Variants in SLC1A2 observed in about 807,000 individuals in gnomAD.
The protein encoded by SLC1A2 is solute carrier family 1 member 2.
SLC1A2 carries 15 observed loss-of-function variants against 48.8 expected under a neutral mutation model. The ratio of observed to expected loss-of-function variants is 0.31; its 90% CI spans 0.21 to 0.47. The LOEUF is 0.47. Among genes scored for constraint, SLC1A2 ranks in the 20% least tolerant of loss-of-function variants. The pLI, the probability that SLC1A2 is intolerant of heterozygous loss-of-function variation, is 0.99. For missense variants in SLC1A2, 502 were observed against 730.5 expected, an observed-to-expected ratio of 0.69 and a Z score of 3.61; for synonymous variants, 279 against 272.6, an observed-to-expected ratio of 1.02 and a Z score of -0.23.
At chr11:35,415,737 A>G (rs1353905374) in intron 1 of SLC1A2, among the ~76,000 whole-genome samples, 1 of 137,304 alleles carries the variant, frequency 7.3e-6, no homozygotes, top group African/African-American at 2.9e-5. Context: ...CTGAAGCCCA[A>G]GCCCTCATGG....
At chr11:35,364,276 C>T (rs1048311409) in intron 1 of SLC1A2, among the ~76,000 whole-genome samples, 3 of 152,176 alleles carry the variant, frequency 2.0e-5, no homozygotes, top group Non-Finnish European at 1.5e-5. Flanking sequence ...CCTCACAAGG[C>T]ATTTCTGGAA....
At position 35,312,454 on chromosome 11, in the gene SLC1A2, T is replaced by C; in HGVS notation, c.311-6A>G. The C allele has an allele frequency of 6.2e-7, 1 of 1,613,632 alleles. No homozygotes were observed. Among genetic ancestry groups the C allele is most frequent in the Non-Finnish European group, 8.5e-7 (1 of 1,179,542 alleles). ...AGCATCCAGGCCTGACAACCCTGGA[T>C]TGAAAAGAAATGCAGAAGGATTAAT... On this transcript the variant is annotated splice_polypyrimidine_tract_variant and splice_region_variant and intron_variant, in intron 3 of 10. Transcript: ENST00000278379.
intron 1 of SLC1A2, chr11:35,352,325 T>C (rs1853291324): frequency 6.6e-6 from 1 of 152,234 alleles, no homozygotes; most frequent in African/African-American, 2.4e-5. Context: ...ATGTCAGTGT[T>C]GGGAGTGAAT....
intron 9 of SLC1A2, among the ~76,000 whole-genome samples, chr11:35,267,634 C>G (rs895341360): frequency 6.6e-6 from 1 of 152,154 alleles, no homozygotes; most frequent in Non-Finnish European, 1.5e-5. Context: ...AACTAGCTGA[C>G]CTATTTGTCC....
rs746178091 is a variant in SLC1A2 at position 35,265,503 on chromosome 11, G to A, written c.1653+24C>T. On this transcript the variant is annotated intron_variant, in intron 10 of 10. Transcript: ENST00000278379. ...GCATGCACTACTATATACAAGTCTC[G>A]ATATCCATGAATGGGAAATGTACCT... 15 of 1,222,750 alleles carry A rather than the reference G, an allele frequency of 1.2e-5. No individual in the cohort carries two copies. The highest frequency in any genetic ancestry group is 9.3e-5 in the East Asian group (4 of 43,064). The allele number at this position is 1,222,750 out of a possible 1,614,324, so 75.7% of individuals were successfully genotyped here.
intron 1 of SLC1A2, among the ~76,000 whole-genome samples, chr11:35,393,337 G>A (rs555389872): frequency 1.3e-5 from 2 of 152,284 alleles, no homozygotes; most frequent in African/African-American, 4.8e-5. Context: ...GAATGGCACC[G>A]CATTTTATTG....
chr11:35,345,838 G>A (rs1044980448), intron 1 of SLC1A2, among the ~76,000 whole-genome samples: 1 of 152,200 alleles, frequency 6.6e-6, no homozygotes, highest in Non-Finnish European at 1.5e-5. Context: ...GAAAATCTAA[G>A]TAATAGCCAA....
chr11:35,355,609 G>C (rs1424645343), intron 1 of SLC1A2, among the ~76,000 whole-genome samples: 2 of 152,156 alleles, frequency 1.3e-5, no homozygotes, highest in African/African-American at 4.8e-5. Context: ...AGTTGGTTGG[G>C]CGTGGTGTCT....
Position 35,418,709 on chromosome 11 carries a change from C to T in SLC1A2, c.17+241G>A, listed in dbSNP as rs140580815. 157 of 553,340 alleles carry T rather than the reference C, an allele frequency of 2.8e-4. No individual in the cohort carries two copies. In the Middle Eastern group the frequency reaches 3.3e-3, roughly 12 times the overall value. The allele number at this position is 553,340 out of a possible 1,614,324, so 34.3% of individuals were successfully genotyped here. On this transcript the variant is annotated intron_variant, in intron 1 of 10. Transcript: ENST00000278379. Reference sequence around the variant, plus strand: ...CTCACACTCTCAGGCCCCCAGCGCACCTTACCCTTTTTATCAAAATAAAAC... The same window carrying T: ...CTCACACTCTCAGGCCCCCAGCGCATCTTACCCTTTTTATCAAAATAAAAC...
In SLC1A2 at chr11:35,292,333, C is replaced by CA; in HGVS notation, c.1044dup (p.Ala349CysfsTer34). The CA allele has an allele frequency of 6.2e-7, 1 of 1,613,662 alleles. No homozygotes were observed. The highest frequency in any genetic ancestry group is 8.5e-7 in the Non-Finnish European group (1 of 1,179,818). On this transcript the variant is annotated frameshift_variant, in exon 7 of 11. Transcript: ENST00000278379. LOFTEE classifies it high-confidence loss of function. ...GTGATCCAAGCTTGGAAAATGCCAG[C>CA]AAAAAAGGAGAAGGGGTTTTTCCTG... is the stretch of plus-strand genomic sequence containing the variant.
rs1277199237 is a variant in SLC1A2, at chr11:35,258,919, T to TGA, written c.*1973_*1974dup. 1 of 143,994 alleles carries TGA rather than the reference T, an allele frequency of 6.9e-6. No homozygotes were observed. 8.9% of individuals were successfully genotyped at this position (143,994 alleles called of 1,614,324 possible). ...GAGATCGTGCCACTGTACTCCAGCC[T>TGA]GAGCAACAGAGCAAGACTCTGTCTA... On this transcript the variant is annotated 3_prime_UTR_variant, in exon 11 of 11. Coordinates refer to ENST00000278379, the MANE Select transcript of SLC1A2 (RefSeq NM_004171.4).
chr11:35,412,800 C>T (rs1855501572), intron 1 of SLC1A2, among the ~76,000 whole-genome samples: 1 of 152,218 alleles, frequency 6.6e-6, no homozygotes, highest in African/African-American at 2.4e-5. Flanking sequence ...ATACCCAAGG[C>T]TCAATTCAAT....
intron 1 of SLC1A2, among the ~76,000 whole-genome samples, chr11:35,320,802 T>C (rs1413709961): frequency 2.0e-5 from 3 of 152,198 alleles, no homozygotes; most frequent in African/African-American, 7.2e-5. Flanking sequence ...CATACTGTTG[T>C]TGATGTTAAA....
At position 35,260,055 on chromosome 11, in the gene SLC1A2, G is replaced by A. The variant is rs1950370385; in HGVS notation, c.*839C>T. 1 of 152,166 alleles carries A rather than the reference G, an allele frequency of 6.6e-6. No individual in the cohort carries two copies. Among genetic ancestry groups the A allele is most frequent in the Admixed American group, 6.5e-5 (1 of 15,278 alleles). 9.4% of individuals were successfully genotyped at this position (152,166 alleles called of 1,614,324 possible). A position where few individuals can be genotyped will look rare whatever the true frequency, so the allele number is the denominator to read the frequency against. ...ATTTGATTTTACTACACCAGGTGAA[G>A]GCAAACCGAACATAAATAAATTTGA... On this transcript the variant is annotated 3_prime_UTR_variant, in exon 11 of 11. Coordinates refer to ENST00000278379, the MANE Select transcript of SLC1A2 (RefSeq NM_004171.4).
chr11:35,334,228 C>T (rs946523109), intron 1 of SLC1A2, among the ~76,000 whole-genome samples: 1 of 152,150 alleles, frequency 6.6e-6, no homozygotes, highest in African/African-American at 2.4e-5. Context: ...CCATTGCTGT[C>T]TTTCTGAAGA....
At position 35,317,431 on chromosome 11, in the gene SLC1A2, G is replaced by A. The variant is rs1318665936; in HGVS notation, c.103C>T (p.Leu35=). The A allele has an allele frequency of 6.2e-7, 1 of 1,614,194 alleles. No homozygotes were observed. The part of the protein sequence containing the change: ...SEEPKHRHLG[L]RLCDKLGKNL... ...TTCCCCAGCTTGTCACACAGGCGCAGGCCCAGGTGCCGGTGCTTGGGTTCC... is the reference window on the plus strand; with the variant it reads ...TTCCCCAGCTTGTCACACAGGCGCAAGCCCAGGTGCCGGTGCTTGGGTTCC... Residue 35 remains leucine (L), a synonymous_variant, in exon 2 of 11, where the codon CTG becomes TTG. Transcript: ENST00000278379.
chr11:35,310,362 C>T (rs2134855371), intron 4 of SLC1A2, among the ~76,000 whole-genome samples: 1 of 152,324 alleles, frequency 6.6e-6, no homozygotes, highest in East Asian at 1.9e-4. Context: ...TCTTTCTGAG[C>T]AGGCTGGCTG....
chr11:35,320,684 G>A (rs1376063445), intron 1 of SLC1A2, among the ~76,000 whole-genome samples: 3 of 152,200 alleles, frequency 2.0e-5, no homozygotes, highest in African/African-American at 7.2e-5. Context: ...GCTTGCCCCT[G>A]GGAATAAGGC....
chr11:35,292,397 G>A lies in SLC1A2; in HGVS notation c.981C>T (p.His327=), dbSNP rs368117370. Residue 327 remains histidine (H), a synonymous_variant, in exon 7 of 11, where the codon CAC becomes CAT. Transcript: ENST00000278379. ...AAATCAAGGGGAGAAAGATGCCCCC[G>A]TGGATGATGAGGCCTATGATCACTG... ...MVTVIIGLII[H]GGIFLPLIYF... is the part of the protein sequence containing the mutation. 42 of 1,613,672 alleles carry A rather than the reference G, an allele frequency of 2.6e-5. No homozygotes were observed. The East Asian group carries it at 6.2e-4, about 24-fold the overall frequency.
Sources: allele counts gnomAD v4.1 joint callset (sites outside exome capture counted in the v4.1 genomes callset), GRCh38; gene constraint gnomAD v4.1.1; transcripts MANE v1.5; gene names NCBI Gene and HGNC (gene_info 2026-07-23, HGNC 2026-07-21).